Variants in BOC observed in about 807,000 individuals in gnomAD.
The protein encoded by BOC is brother of CDO.
A neutral mutation model predicts 112.0 loss-of-function variants in BOC; 76 were observed. The observed-to-expected ratio is 0.68, with a 90% CI of 0.56 to 0.82. The LOEUF is 0.82. Ranked by LOEUF, BOC falls within the 40% of genes least tolerant of loss-of-function variation. BOC has a pLI of 0.00. For missense variants in BOC, 1,309 were observed against 1,511.7 expected (o/e 0.87, Z 2.22); for synonymous variants, 580 against 599.8 (o/e 0.97, Z 0.48).
chr3:113,273,736 A>G (rs910385912), intron 8 of BOC, among the ~76,000 whole-genome samples: 4 of 152,208 alleles, frequency 2.6e-5, no homozygotes, highest in Non-Finnish European at 4.4e-5. Flanking sequence ...GAACTCCCCT[A>G]TGGAGACGAA....
chr3:113,253,048 A>G (rs895932951), intron 4 of BOC, among the ~76,000 whole-genome samples: 1 of 152,208 alleles, frequency 6.6e-6, no homozygotes, highest in Admixed American at 6.5e-5. Context: ...TAATTGCATT[A>G]TAGAATGTTT....
At chr3:113,276,460 C>G (rs553212651) in intron 9 of BOC, among the ~76,000 whole-genome samples, 25 of 152,228 alleles carry the variant, frequency 1.6e-4, no homozygotes, top group Non-Finnish European at 3.2e-4. Flanking sequence ...TCTGGCTTCT[C>G]TCAGGCTCCA....
chr3:113,269,750 T>G (rs1947905180), intron 5 of BOC: 1 of 152,124 alleles, frequency 6.6e-6, no homozygotes. Flanking sequence ...AGCAGAAGGT[T>G]GGCAGCAGCC....
intron 4 of BOC, 53 bp downstream of exon 4, chr3:113,250,886 C>T: frequency 6.3e-7 from 1 of 1,597,254 alleles, no homozygotes; most frequent in Non-Finnish European, 8.5e-7. Flanking sequence ...CTCATCTCTC[C>T]CACCCTGAAG....
At chr3:113,246,625 TTTTA>T (rs920759983) in intron 2 of BOC, among the ~76,000 whole-genome samples, 50 of 152,292 alleles carry the variant, frequency 3.3e-4, no homozygotes, top group African/African-American at 9.6e-4. Flanking sequence ...GTATTTATAA[TTTTA>T]TTTATTTATT....
At position 113,268,422 on chromosome 3, in the gene BOC, A is replaced by C. The variant is rs1446706122; in HGVS notation, c.500A>C (p.Gln167Pro). The C allele has an allele frequency of 6.2e-6, 10 of 1,614,066 alleles. No homozygotes were observed. Among genetic ancestry groups the C allele is most frequent in the Non-Finnish European group, 8.5e-6 (10 of 1,179,988 alleles). The change falls in exon 5 of 20, where the codon CAA becomes CCA. Residue 167 changes from glutamine to proline, a missense_variant. Coordinates refer to ENST00000682979, the MANE Select transcript of BOC (RefSeq NM_001378074.1). ...PKAQVRYSVK[Q>P]EWLEASRGNY... ...GCCCAGGTCCGGTACAGCGTCAAAC[A>C]AGAGTGGCTGGAGGCCTCCAGAGGT...
rs1454184426 is a variant in BOC at position 113,249,831 on chromosome 3, G to A, written c.29G>A (p.Arg10Lys). ...CTGCGTGGGACGATGACGGCGTGGA[G>A]AGGAATGAGGCCTGAGGTCACACTG... The part of the protein sequence containing the change: MLRGTMTAW[R>K]GMRPEVTLAC... Residue 10 changes from arginine (R) to lysine (K), a missense_variant, in exon 3 of 20, where the codon AGA (arginine) becomes AAA (lysine). By Grantham distance (26) the Arg-to-Lys change is conservative (BLOSUM62 2). Transcript: ENST00000682979. 3.1e-6 allele frequency: 5 copies of A among 1,613,288 alleles called. No homozygotes were observed. In the East Asian group the frequency reaches 8.9e-5, roughly 29 times the overall value.
At chr3:113,217,864 G>A (rs961209946) in intron 2 of BOC, among the ~76,000 whole-genome samples, 8 of 152,144 alleles carry the variant, frequency 5.3e-5, no homozygotes, top group Admixed American at 2.6e-4. Context: ...CAATTATTGA[G>A]TGGCTTTCGG....
intron 2 of BOC, among the ~76,000 whole-genome samples, chr3:113,222,261 G>A (rs1021034074): frequency 1.3e-5 from 2 of 152,130 alleles, no homozygotes; most frequent in East Asian, 3.8e-4. Context: ...AAATAGAACC[G>A]GGTTGGTAAG....
chr3:113,279,401 A>C lies in BOC; in HGVS notation c.1969A>C (p.Thr657Pro). 6.2e-7 allele frequency: 1 copy of C among 1,614,166 alleles called. No homozygotes were observed. Among genetic ancestry groups the C allele is most frequent in the South Asian group, 1.1e-5 (1 of 91,086 alleles). ...GAAAGTGGGAGACTGGATTCTGGCC[A>C]CCAGCGCCATCCCCCCATCGCGGCT... ...LKKVGDWILA[T>P]SAIPPSRLSV... Residue 657 changes from threonine (T) to proline (P), a missense_variant, in exon 12 of 20, where the codon ACC becomes CCC. Thr to Pro is a conservative substitution (Grantham distance 38, BLOSUM62 -1). Coordinates refer to ENST00000682979, the MANE Select transcript of BOC (RefSeq NM_001378074.1).
At chr3:113,282,922 G>T (rs77739869) in intron 15 of BOC, among the ~76,000 whole-genome samples, 4,542 of 152,244 alleles carry the variant, frequency 0.03, 229 homozygotes, top group African/African-American at 0.1. Context: ...CATCTCACAT[G>T]TACTGTGTGT....
chr3:113,223,829 A>G (rs1346366212), intron 2 of BOC, among the ~76,000 whole-genome samples: 2 of 152,182 alleles, frequency 1.3e-5, no homozygotes, highest in Non-Finnish European at 2.9e-5. Flanking sequence ...AAGGAGCCCA[A>G]AGTTGTGCGC....
chr3:113,274,765 TC>T lies in BOC; in HGVS notation c.1542+87del. The T allele has an allele frequency of 7.2e-7, 1 of 1,398,338 alleles. No homozygotes were observed. The highest frequency in any genetic ancestry group is 9.7e-7 in the Non-Finnish European group (1 of 1,035,628). The allele number at this position is 1,398,338 out of a possible 1,614,324, so 86.6% of individuals were successfully genotyped here. On this transcript the variant is annotated intron_variant, in intron 9 of 19. Coordinates refer to ENST00000682979, the MANE Select transcript of BOC (RefSeq NM_001378074.1). The surrounding 1 kb of genome is among the most constrained non-coding windows in gnomAD (Gnocchi z 4.8). ...GCAGAGTCACTGTCTCTTGGCCATC[TC>T]CCCTTGAGCTCCTGAAGCCTGAGCC...
chr3:113,275,187 G>C (rs555204462), intron 9 of BOC, among the ~76,000 whole-genome samples: 1 of 152,212 alleles, frequency 6.6e-6, no homozygotes, highest in Non-Finnish European at 1.5e-5. Flanking sequence ...TGAAACACCC[G>C]CTCAGTTCTC....
chr3:113,222,838 G>A (rs1380195108), intron 2 of BOC, among the ~76,000 whole-genome samples: 8 of 152,220 alleles, frequency 5.3e-5, no homozygotes, highest in East Asian at 1.9e-4. Flanking sequence ...TTGGACTTCC[G>A]TTGAATCTGG....
At chr3:113,269,007 G>C (rs1015386524) in intron 5 of BOC, among the ~76,000 whole-genome samples, 1 of 152,190 alleles carries the variant, frequency 6.6e-6, no homozygotes, top group Non-Finnish European at 1.5e-5. Flanking sequence ...GGCTCCAGAA[G>C]ATATTACTGA....
intron 4 of BOC, chr3:113,261,862 A>G (rs1422663112): frequency 1.3e-5 from 2 of 151,812 alleles, no homozygotes; most frequent in Non-Finnish European, 2.9e-5. Context: ...CTCTTCCCCA[A>G]TCCCAGCTTT....
intron 9 of BOC, among the ~76,000 whole-genome samples, chr3:113,275,338 G>A (rs1441265181): frequency 3.3e-5 from 5 of 152,254 alleles, no homozygotes; most frequent in East Asian, 3.9e-4. Context: ...AGGGAGTCTC[G>A]GGCTCTGACA....
chr3:113,273,071 C>A lies in BOC; in HGVS notation c.964C>A (p.Pro322Thr). The A allele has an allele frequency of 6.3e-7, 1 of 1,592,992 alleles. No individual in the cohort carries two copies. Residue 322 changes from proline (P) to threonine (T), a missense_variant and splice_region_variant, in exon 8 of 20, where the codon CCC becomes ACC. Pro to Thr is a conservative substitution (Grantham distance 38). Transcript: ENST00000682979. ...ACCCTGCTCTGGTTTCCTGGCAGAA[C>A]CCCCTGAGGTCACCATGGAGCTATC... ...VILYNVQVFE[P>T]PEVTMELSQL... is the part of the protein sequence containing the mutation.
Sources: allele counts gnomAD v4.1 joint callset (sites outside exome capture counted in the v4.1 genomes callset), GRCh38; gene constraint gnomAD v4.1.1; non-coding constraint Gnocchi (gnomAD v3.1); transcripts MANE v1.5; gene names NCBI Gene and HGNC (gene_info 2026-07-23, HGNC 2026-07-21).